Variants in GLT1D1 observed in about 807,000 individuals in gnomAD.
GLT1D1 encodes the protein glycosyltransferase 1 domain-containing protein 1.
Under a neutral mutation model 28.7 loss-of-function variants are expected in GLT1D1, and 21 were observed. The ratio of observed to expected loss-of-function variants is 0.73; its 90% CI spans 0.52 to 1.05. GLT1D1 has a LOEUF of 1.05. Among genes scored for constraint, GLT1D1 ranks in the 50% least tolerant of loss-of-function variants. GLT1D1 has a pLI of 0.00. For synonymous variants in GLT1D1, 147 were observed against 124.8 expected (o/e 1.18, Z -1.19); for missense variants, 343 against 330.6 (o/e 1.04, Z -0.29).
At position 128,879,364 on chromosome 12, in the gene GLT1D1, T is replaced by C. The variant is rs553261143; in HGVS notation, c.217+3302T>C. ...GTGTCATTTTCTGTAAAGTGATACTTATTATTTTTTTCTTTTTCTTTCTTT... is the reference window on the plus strand; with the variant it reads ...GTGTCATTTTCTGTAAAGTGATACTCATTATTTTTTTCTTTTTCTTTCTTT... On this transcript the variant is annotated intron_variant, in intron 2 of 7. Transcript: ENST00000281703. Among the ~76,000 whole-genome samples, 120 of 138,248 alleles carry C rather than the reference T, an allele frequency of 8.7e-4. 6 individuals are homozygous for C. The highest frequency in any genetic ancestry group is 3.5e-3 in the African/African-American group (117 of 33,056). The allele number at this position is 138,248 out of a possible 152,430, so 90.7% of individuals were successfully genotyped here. A position where few individuals can be genotyped will look rare whatever the true frequency, so the allele number is the denominator to read the frequency against.
intron 4 of GLT1D1, 74 bp from the exon 6 acceptor site, chr12:128,914,859 A>C: frequency 1.0e-6 from 1 of 1,004,940 alleles, no homozygotes. Flanking sequence ...AATAAGCCTC[A>C]ACACAAAATA....
chr12:128,867,569 C>T (rs187406047), intron 1 of GLT1D1, among the ~76,000 whole-genome samples: 5 of 152,156 alleles, frequency 3.3e-5, no homozygotes, highest in South Asian at 2.1e-4. Context: ...TGAGAGGTTC[C>T]GACGCAGTAG....
chr12:128,923,913 T>C (rs1872912909), intron 4 of GLT1D1, among the ~76,000 whole-genome samples: 1 of 152,008 alleles, frequency 6.6e-6, no homozygotes, highest in Non-Finnish European at 1.5e-5. Context: ...GAAACTTTTA[T>C]TACAAAATTA....
intron 1 of GLT1D1, among the ~76,000 whole-genome samples, chr12:128,867,397 CAAAAAAAAAAAA>C (rs1158997935): frequency 1.3e-3 from 78 of 59,310 alleles, no homozygotes; most frequent in African/African-American, 4.3e-3. Context: ...AACTCCTTCT[CAAAAAAAAAAAA>C]AAAAAAACAG....
At chr12:128,884,173 T>A (rs1308612426) in intron 2 of GLT1D1, among the ~76,000 whole-genome samples, 1 of 152,064 alleles carries the variant, frequency 6.6e-6, no homozygotes, top group Non-Finnish European at 1.5e-5. Flanking sequence ...CTGTGCCCAT[T>A]GATGTTAAAT....
rs111702158 is a variant in GLT1D1, at chr12:128,925,727, G to A, written c.376-19599G>A. On this transcript the variant is annotated intron_variant, in intron 4 of 7. Transcript: ENST00000281703. ...GACATTATTCTTCCTATCTAGAATT[G>A]CATCTAAATCTTTTCTAGAACGTCT... 7.7e-3 allele frequency among the ~76,000 whole-genome samples: 1,178 copies of A among 152,164 alleles called. 16 individuals carry two copies. The highest frequency in any genetic ancestry group is 0.027 in the African/African-American group (1,123 of 41,494).
Position 128,903,516 on chromosome 12 carries a change from A to G in GLT1D1, c.375+4229A>G, listed in dbSNP as rs894733359. ...GGGAGAATTGATGGCCTCTGTAACCATCTGCCACACTTCATGCTTGTCTCT... is the reference window on the plus strand; with the variant it reads ...GGGAGAATTGATGGCCTCTGTAACCGTCTGCCACACTTCATGCTTGTCTCT... On this transcript the variant is annotated intron_variant, in intron 4 of 7. Transcript: ENST00000281703. 6.1e-4 allele frequency among the ~76,000 whole-genome samples: 93 copies of G among 151,666 alleles called. 1 individual carries two copies. The highest frequency in any genetic ancestry group is 2.3e-3 in the African/African-American group (93 of 41,086).
intron 6 of GLT1D1, 87 bp from the exon 11 acceptor site, chr12:128,957,458 A>G: frequency 1.2e-6 from 1 of 811,420 alleles, no homozygotes; most frequent in African/African-American, 1.7e-5. Flanking sequence ...TTAACCCAAG[A>G]AGTTATTCTG....
intron 5 of GLT1D1, among the ~76,000 whole-genome samples, chr12:128,946,806 G>A (rs1320931661): frequency 5.3e-5 from 8 of 151,422 alleles, no homozygotes; most frequent in Non-Finnish European, 8.8e-5. Flanking sequence ...GCACCACCAC[G>A]CCTGGCTAAT....
At chr12:128,945,403 A>G in intron 5 of GLT1D1, 34 bp downstream of exon 9, 1 of 1,584,602 alleles carries the variant, frequency 6.3e-7, no homozygotes, top group Non-Finnish European at 8.7e-7. Flanking sequence ...ATTTTGCAGA[A>G]CGGGAAGCCT....
At chr12:128,946,628 C>T (rs1198354202) in intron 5 of GLT1D1, among the ~76,000 whole-genome samples, 7 of 147,172 alleles carry the variant, frequency 4.8e-5, no homozygotes, top group East Asian at 4.1e-4. Context: ...CCACTGCGCC[C>T]GGCCTCCTTT....
At chr12:128,901,279 A>G (rs4760542) in intron 4 of GLT1D1, among the ~76,000 whole-genome samples, 23,179 of 151,998 alleles carry the variant, frequency 0.15, 1,856 homozygotes, top group South Asian at 0.23. Context: ...ACTTTTGAAT[A>G]CATGTTGTTA....
intron 1 of GLT1D1, among the ~76,000 whole-genome samples, chr12:128,870,030 C>T: frequency 6.6e-6 from 1 of 151,426 alleles, no homozygotes. Context: ...CCTGCCTCAG[C>T]CTCCTGAATA....
At chr12:128,942,950 T>C (rs905891294) in intron 4 of GLT1D1, among the ~76,000 whole-genome samples, 1 of 152,096 alleles carries the variant, frequency 6.6e-6, no homozygotes, top group South Asian at 2.1e-4. Flanking sequence ...GGTTTCACCA[T>C]GTTGGCCAGG....
chr12:128,908,788 A>C (rs1208924693), intron 4 of GLT1D1, among the ~76,000 whole-genome samples: 1 of 152,020 alleles, frequency 6.6e-6, no homozygotes, highest in East Asian at 1.9e-4. Flanking sequence ...TCTCTACTAA[A>C]AATACAAAAA....
At chr12:128,861,492 G>A (rs1382354491) in intron 1 of GLT1D1, among the ~76,000 whole-genome samples, 1 of 152,210 alleles carries the variant, frequency 6.6e-6, no homozygotes, top group Non-Finnish European at 1.5e-5. Context: ...GAACAAAATA[G>A]AGCATTTGGT....
chr12:128,855,814 G>T (rs965673502), intron 1 of GLT1D1, among the ~76,000 whole-genome samples: 1 of 144,978 alleles, frequency 6.9e-6, no homozygotes, highest in African/African-American at 2.6e-5. Context: ...GTGCAATGGC[G>T]GGGTCTCAGC....
At chr12:128,853,859 G>A (rs1292785337) in intron 1 of GLT1D1, among the ~76,000 whole-genome samples, 2 of 152,262 alleles carry the variant, frequency 1.3e-5, no homozygotes, top group East Asian at 3.9e-4. Context: ...CCGGGTCTCC[G>A]TGCGGCCGGC....
At chr12:128,969,213 G>A (rs991174127) in intron 7 of GLT1D1, among the ~76,000 whole-genome samples, 9 of 143,574 alleles carry the variant, frequency 6.3e-5, no homozygotes, top group African/African-American at 2.0e-4. Flanking sequence ...CTCAGTCTCT[G>A]TTTCTCTCAT....
Sources: allele counts gnomAD v4.1 joint callset (sites outside exome capture counted in the v4.1 genomes callset), GRCh38; gene constraint gnomAD v4.1.1; transcripts MANE v1.5; gene names NCBI Gene and HGNC (gene_info 2026-07-23, HGNC 2026-07-21).